The following CD2AP variants were observed in gnomAD, a reference collection of about 807,000 sequenced individuals.
CD2AP encodes the protein CD2 associated protein, also known as CD2-associated protein.
CD2AP carries 46 observed loss-of-function variants against 85.1 expected under a neutral mutation model. The observed-to-expected ratio is 0.54, with a 90% CI of 0.43 to 0.69. The LOEUF (loss-of-function observed/expected upper bound fraction) is 0.69. Ranked by LOEUF, CD2AP falls within the 30% of genes least tolerant of loss-of-function variation. The probability of loss-of-function intolerance (pLI) is 0.00; values close to 1 mark genes in which losing one functional copy is unlikely to be tolerated. For synonymous variants in CD2AP, 255 were observed against 252.9 expected (o/e 1.01, Z -0.08); for missense variants, 769 against 729.5 (o/e 1.05, Z -0.62).
At chr6:47,508,592 G>A (rs1398416868) in intron 2 of CD2AP, among the ~76,000 whole-genome samples, 1 of 146,800 alleles carries the variant, frequency 6.8e-6, no homozygotes, top group African/African-American at 2.5e-5. Context: ...GTTGCCCAGG[G>A]TGGAGTGCAA....
intron 15 of CD2AP, 123 bp downstream of exon 15, chr6:47,608,151 C>T: frequency 1.4e-6 from 1 of 736,328 alleles, no homozygotes; most frequent in East Asian, 2.7e-5. Flanking sequence ...GAAATAATTG[C>T]TGCTAAAAAA....
chr6:47,609,487 G>A, intron 16 of CD2AP, 183 bp downstream of exon 16: 1 of 318,110 alleles, frequency 3.1e-6, no homozygotes, highest in Non-Finnish European at 5.6e-6. Context: ...GACCAGCCTG[G>A]ACGACATGAC....
chr6:47,586,962 A>G (rs1768646872), intron 11 of CD2AP, among the ~76,000 whole-genome samples: 1 of 152,208 alleles, frequency 6.6e-6, no homozygotes, highest in African/African-American at 2.4e-5. Flanking sequence ...ATGTTCTCAT[A>G]CACCTGATAT....
At chr6:47,619,054 CT>C (rs1268611185) in intron 17 of CD2AP, among the ~76,000 whole-genome samples, 1 of 152,128 alleles carries the variant, frequency 6.6e-6, no homozygotes, top group East Asian at 1.9e-4. Context: ...AAGAGAAACT[CT>C]AGCAATGTAT....
intron 1 of CD2AP, among the ~76,000 whole-genome samples, chr6:47,480,163 G>A (rs1046311633): frequency 5.9e-5 from 9 of 152,106 alleles, no homozygotes; most frequent in Non-Finnish European, 1.3e-4. Flanking sequence ...GTATGTTACT[G>A]AGGGCATTTG....
At chr6:47,548,731 CCAGGAAAGGACATAACA>C (rs1462564668) in intron 4 of CD2AP, among the ~76,000 whole-genome samples, 3 of 152,002 alleles carry the variant, frequency 2.0e-5, no homozygotes, top group South Asian at 2.1e-4. Context: ...AATACCAAGA[CCAGGAAAGGACATAACA>C]AAAAAAGAAA....
chr6:47,597,621 G>A (rs945113657), intron 12 of CD2AP, among the ~76,000 whole-genome samples: 1 of 150,870 alleles, frequency 6.6e-6, no homozygotes, highest in Admixed American at 6.6e-5. Flanking sequence ...CTTGAGATTA[G>A]AAGTCAGAAA....
chr6:47,598,989 T>C (rs1255939241), intron 12 of CD2AP, among the ~76,000 whole-genome samples: 1 of 150,868 alleles, frequency 6.6e-6, no homozygotes, highest in African/African-American at 2.4e-5. Context: ...CACTGTTGCT[T>C]ACCTTCCAGA....
At chr6:47,606,015 A>G in intron 13 of CD2AP, 150 bp from the exon 14 acceptor site, 1 of 595,492 alleles carries the variant, frequency 1.7e-6, no homozygotes. Flanking sequence ...TGTTTTCCAA[A>G]TGCATATGAA....
chr6:47,580,476 AAC>A (rs1768444715), intron 9 of CD2AP, among the ~76,000 whole-genome samples: 2 of 152,198 alleles, frequency 1.3e-5, no homozygotes, highest in East Asian at 3.9e-4. Flanking sequence ...CAAAAAAAAA[AAC>A]GGTCTCTCCC....
At chr6:47,543,050 C>G (rs1187737236) in intron 3 of CD2AP, among the ~76,000 whole-genome samples, 1 of 145,022 alleles carries the variant, frequency 6.9e-6, no homozygotes, top group Admixed American at 7.2e-5. Context: ...ACTCAGGAGG[C>G]TGAGGCAGGA....
At chr6:47,500,655 G>A (rs1294768692) in intron 1 of CD2AP, among the ~76,000 whole-genome samples, 1 of 151,834 alleles carries the variant, frequency 6.6e-6, no homozygotes, top group Non-Finnish European at 1.5e-5. Flanking sequence ...TTAAGTATCC[G>A]CTGTTTTTCT....
At chr6:47,569,623 A>C (rs1411091371) in intron 5 of CD2AP, among the ~76,000 whole-genome samples, 1 of 151,788 alleles carries the variant, frequency 6.6e-6, no homozygotes, top group Non-Finnish European at 1.5e-5. Flanking sequence ...ACAGGTAGAA[A>C]AAGTTCATTT....
intron 2 of CD2AP, among the ~76,000 whole-genome samples, chr6:47,511,939 A>T (rs1766323310): frequency 6.6e-6 from 1 of 152,158 alleles, no homozygotes; most frequent in Non-Finnish European, 1.5e-5. Flanking sequence ...TGGGCGGATC[A>T]CGAGGTCAGG....
chr6:47,549,914 C>T (rs952173695), intron 4 of CD2AP, among the ~76,000 whole-genome samples: 1 of 152,152 alleles, frequency 6.6e-6, no homozygotes, highest in African/African-American at 2.4e-5. Context: ...CAAATACTTA[C>T]AGCTAACTGA....
At position 47,612,455 on chromosome 6, in the gene CD2AP, T is replaced by G; in HGVS notation, c.1815-18T>G. 6.6e-7 allele frequency: 1 copy of G among 1,525,890 alleles called. No homozygotes were observed. Among genetic ancestry groups the G allele is most frequent in the Non-Finnish European group, 9.1e-7 (1 of 1,100,816 alleles). The allele number at this position is 1,525,890 out of a possible 1,614,324, so 94.5% of individuals were successfully genotyped here. ...ATTTAATCGAAAGACTTAACAGTAA[T>G]AAGTACTTTGTTTTTAGGAAAGAAC... On this transcript the variant is annotated intron_variant, in intron 16 of 17. Transcript: ENST00000359314.
At chr6:47,508,539 T>C (rs1166948419) in intron 2 of CD2AP, among the ~76,000 whole-genome samples, 118 of 143,924 alleles carry the variant, frequency 8.2e-4, no homozygotes, top group Non-Finnish European at 1.5e-3. Flanking sequence ...TCTTTCTTTT[T>C]TTTTTTGTTT....
chr6:47,538,833 A>G (rs1161070350), intron 3 of CD2AP, among the ~76,000 whole-genome samples: 5 of 152,196 alleles, frequency 3.3e-5, no homozygotes, highest in Non-Finnish European at 7.3e-5. Context: ...GAAATACCTA[A>G]CTATTCTTGA....
intron 17 of CD2AP, 74 bp from the exon 18 acceptor site, chr6:47,624,112 T>TA: frequency 8.5e-7 from 1 of 1,175,012 alleles, no homozygotes; most frequent in Non-Finnish European, 1.3e-6. Context: ...GATCACATCT[T>TA]AATGACATAG....
Sources: gnomAD v4.1 joint callset for allele counts (sites outside exome capture counted in the v4.1 genomes callset) on GRCh38, gnomAD v4.1.1 for gene constraint, MANE v1.5 for transcripts, NCBI Gene and HGNC (gene_info 2026-07-23, HGNC 2026-07-21) for gene names.